Variants in NRXN1 observed in about 807,000 individuals in gnomAD.
The protein encoded by NRXN1 is neurexin 1, also known as neurexin-1.
NRXN1 carries 39 observed loss-of-function variants against 150.9 expected under a neutral mutation model. That is an observed-to-expected ratio of 0.26 (90% confidence interval 0.20 to 0.34). NRXN1 has a LOEUF of 0.34. Ranked by LOEUF, NRXN1 falls within the 10% of genes least tolerant of loss-of-function variation. The pLI is 1.00. For missense variants in NRXN1, 1,815 were observed against 1,949.9 expected (o/e 0.93, Z 1.30); for synonymous variants, 924 against 757.0 (o/e 1.22, Z -3.62).
At chr2:50,038,456 G>A (rs909263105) in intron 21 of NRXN1, among the ~76,000 whole-genome samples, 1 of 152,118 alleles carries the variant, frequency 6.6e-6, no homozygotes, top group Non-Finnish European at 1.5e-5. Flanking sequence ...AATAAGGCAT[G>A]CTAACAACCA....
At chr2:50,324,321 A>G (rs1434291956) in intron 17 of NRXN1, among the ~76,000 whole-genome samples, 1 of 152,200 alleles carries the variant, frequency 6.6e-6, no homozygotes, top group African/African-American at 2.4e-5. Context: ...AATTAAATGG[A>G]AAGGTTTTGA....
At chr2:50,912,733 T>C (rs1294726664) in intron 5 of NRXN1, 1 of 150,974 alleles carries the variant, frequency 6.6e-6, no homozygotes, top group African/African-American at 2.4e-5. Flanking sequence ...TCCTATGGGC[T>C]TTCTCTCTAT....
At chr2:50,875,816 CTCAA>C (rs1263344017) in intron 5 of NRXN1, among the ~76,000 whole-genome samples, 1 of 151,762 alleles carries the variant, frequency 6.6e-6, no homozygotes, top group Non-Finnish European at 1.5e-5. Context: ...AATTTTCTAG[CTCAA>C]TCAATTCTGA....
intron 17 of NRXN1, among the ~76,000 whole-genome samples, chr2:50,337,083 C>CTTTTTTTTTTT (rs768582035): frequency 7.5e-6 from 1 of 133,084 alleles, no homozygotes; most frequent in Non-Finnish European, 1.6e-5. Flanking sequence ...TTTTCTTTTT[C>CTTTTTTTTTTT]TTTTTTTTTT....
chr2:50,755,401 C>T (rs1254138475), intron 5 of NRXN1, among the ~76,000 whole-genome samples: 1 of 151,654 alleles, frequency 6.6e-6, no homozygotes, highest in Non-Finnish European at 1.5e-5. Flanking sequence ...ATTATGTATC[C>T]CATTTACCAT....
Position 50,028,235 on chromosome 2 carries a change from A to T in NRXN1, c.4128+25036T>A, listed in dbSNP as rs1263122232. Among the ~76,000 whole-genome samples the T allele has an allele frequency of 4.6e-5, 7 of 152,132 alleles. No individual in the cohort carries two copies. In the East Asian group the frequency reaches 5.8e-4, roughly 13 times the overall value. On this transcript the variant is annotated intron_variant, in intron 21 of 22. Transcript: ENST00000401669. ...TTGCTCTTTAAAATTCTTTTTGTGG[A>T]TATACTGAGGGAGCTTTTATAATCC... is the stretch of plus-strand genomic sequence containing the variant.
chr2:50,544,265 GGTATAAT>G, intron 9 of NRXN1, among the ~76,000 whole-genome samples: 2 of 151,378 alleles, frequency 1.3e-5, no homozygotes, highest in Non-Finnish European at 2.9e-5. Flanking sequence ...TTGACAATAG[GGTATAAT>G]GTAAAATGTA....
intron 11 of NRXN1, among the ~76,000 whole-genome samples, chr2:50,530,724 C>T (rs2093077902): frequency 6.6e-6 from 1 of 152,130 alleles, no homozygotes; most frequent in Admixed American, 6.5e-5. Flanking sequence ...TACTCCGAAA[C>T]AGAAAAGACA....
intron 21 of NRXN1, among the ~76,000 whole-genome samples, chr2:49,994,183 C>A (rs1292259086): frequency 2.0e-5 from 3 of 152,148 alleles, no homozygotes; most frequent in Non-Finnish European, 4.4e-5. Flanking sequence ...ATAATTGGAA[C>A]CCAAACTTGC....
At chr2:50,259,073 C>A (rs982254652) in intron 17 of NRXN1, among the ~76,000 whole-genome samples, 2 of 151,904 alleles carry the variant, frequency 1.3e-5, no homozygotes, top group African/African-American at 4.8e-5. Context: ...GCATTGGCTT[C>A]AACTTAAATT....
At chr2:50,060,840 T>C (rs528013605) in intron 19 of NRXN1, among the ~76,000 whole-genome samples, 46 of 152,338 alleles carry the variant, frequency 3.0e-4, no homozygotes, top group Admixed American at 9.8e-4. Flanking sequence ...CCCAGCCATA[T>C]GTAACTGTGA....
intron 5 of NRXN1, among the ~76,000 whole-genome samples, chr2:50,828,674 G>T (rs528058721): frequency 6.6e-6 from 1 of 151,626 alleles, no homozygotes; most frequent in East Asian, 2.0e-4. Context: ...ATGGGATGGC[G>T]GCCGGGAAGA....
intron 18 of NRXN1, among the ~76,000 whole-genome samples, chr2:50,209,471 A>T (rs1320678887): frequency 6.6e-6 from 1 of 152,132 alleles, no homozygotes; most frequent in African/African-American, 2.4e-5. Context: ...ACAAACGAGA[A>T]GACTGAGGTT....
At chr2:50,841,545 T>G (rs548573401) in intron 5 of NRXN1, among the ~76,000 whole-genome samples, 7 of 152,362 alleles carry the variant, frequency 4.6e-5, no homozygotes, top group South Asian at 2.1e-4. Context: ...ATTTGCGTTA[T>G]GTAAATGACC....
At chr2:50,619,462 G>C (rs963087082) in intron 8 of NRXN1, 4 of 153,766 alleles carry the variant, frequency 2.6e-5, no homozygotes, top group African/African-American at 9.6e-5. Context: ...CATTTAGTTT[G>C]ATGATCTTGC....
intron 21 of NRXN1, among the ~76,000 whole-genome samples, chr2:49,966,228 T>C (rs1310567163): frequency 2.0e-5 from 3 of 152,136 alleles, no homozygotes; most frequent in Non-Finnish European, 4.4e-5. Flanking sequence ...GATACAACAC[T>C]GAGAAAACTT....
intron 8 of NRXN1, among the ~76,000 whole-genome samples, chr2:50,574,384 C>T (rs1046579613): frequency 6.6e-6 from 1 of 151,966 alleles, no homozygotes. Context: ...GAACCAAAAG[C>T]TTCCGTCTTC....
At chr2:50,329,607 GTGTGTGTGTGTATATATATATA>G (rs2076632965) in intron 17 of NRXN1, among the ~76,000 whole-genome samples, 10 of 25,940 alleles carry the variant, frequency 3.9e-4, no homozygotes, top group African/African-American at 1.4e-3. Flanking sequence ...GTGTGTGTGT[GTGTGTGTGTGTATATATATATA>G]TATATATATA....
At chr2:50,338,989 G>A (rs986646275) in intron 17 of NRXN1, among the ~76,000 whole-genome samples, 1 of 152,144 alleles carries the variant, frequency 6.6e-6, no homozygotes, top group Non-Finnish European at 1.5e-5. Context: ...TCTGAAACCT[G>A]AAGTCATCTA....
Sources: gnomAD v4.1 joint callset for allele counts (sites outside exome capture counted in the v4.1 genomes callset) on GRCh38, gnomAD v4.1.1 for gene constraint, MANE v1.5 for transcripts, NCBI Gene and HGNC (gene_info 2026-07-23, HGNC 2026-07-21) for gene names.